Variants in CDK12 observed in about 807,000 individuals in gnomAD.
The protein encoded by CDK12 is cyclin-dependent kinase 12.
In CDK12, 17 loss-of-function variants were observed where a neutral mutation model predicts 133.8. That is an observed-to-expected ratio of 0.13 (90% CI 0.09 to 0.19). The LOEUF is 0.19. CDK12 is among the 10% of genes least tolerant of loss of function. CDK12 has a pLI of 1.00. For missense variants in CDK12, 1,508 were observed against 1,818.7 expected (o/e 0.83, Z 3.11); for synonymous variants, 694 against 683.6 (o/e 1.02, Z -0.24).
intron 2 of CDK12, among the ~76,000 whole-genome samples, chr17:39,482,802 A>AT (rs1411322636): frequency 6.6e-6 from 1 of 151,482 alleles, no homozygotes; most frequent in African/African-American, 2.4e-5. Context: ...GGGTTATGCC[A>AT]TATTGGCTAG....
intron 4 of CDK12, 128 bp from the exon 5 acceptor site, chr17:39,494,396 A>T: frequency 2.7e-6 from 2 of 736,502 alleles, no homozygotes; most frequent in Non-Finnish European, 4.5e-6. Context: ...TTAAAGGTGT[A>T]TAAGTATCTC....
intron 10 of CDK12, 58 bp downstream of exon 10, chr17:39,517,614 C>T (rs2053893342): frequency 9.8e-7 from 1 of 1,023,646 alleles, no homozygotes; most frequent in Non-Finnish European, 1.5e-6. Flanking sequence ...TGGGACTTGG[C>T]TTTTTCCTGG....
rs138141428 is a variant in CDK12, at chr17:39,517,515, G to A, written c.2922G>A (p.Pro974=). The change falls in exon 10 of 14, where the codon CCG becomes CCA. Residue 974 remains proline (P), a synonymous_variant. Coordinates refer to ENST00000447079, the MANE Select transcript of CDK12 (RefSeq NM_016507.4). The part of the protein sequence containing the change: ...IKLPYFNTMK[P]KKQYRRRLRE... ...TGCCCTACTTCAACACCATGAAACC[G>A]AAGAAGCAATATCGAAGGCGTCTAC... 2.3e-5 allele frequency: 37 copies of A among 1,612,742 alleles called. No individual in the cohort carries two copies. The highest frequency in any genetic ancestry group is 2.9e-5 in the Non-Finnish European group (34 of 1,178,874).
At chr17:39,475,500 C>A (rs1476572353) in intron 2 of CDK12, among the ~76,000 whole-genome samples, 1 of 151,182 alleles carries the variant, frequency 6.6e-6, no homozygotes, top group African/African-American at 2.4e-5. Context: ...AAAGTAATAA[C>A]AAATTCTGCC....
chr17:39,513,398 G>C (rs2053608874), intron 8 of CDK12, among the ~76,000 whole-genome samples: 1 of 152,150 alleles, frequency 6.6e-6, no homozygotes, highest in African/African-American at 2.4e-5. Context: ...TGGAGAAAGA[G>C]CATAATTTCT....
chr17:39,477,044 A>G (rs1481238914), intron 2 of CDK12, among the ~76,000 whole-genome samples: 1 of 150,182 alleles, frequency 6.7e-6, no homozygotes, highest in Non-Finnish European at 1.5e-5. Context: ...ATTTTTTGAG[A>G]CAGTCTCACT....
At chr17:39,482,038 G>T (rs2050759398) in intron 2 of CDK12, among the ~76,000 whole-genome samples, 1 of 28,434 alleles carries the variant, frequency 3.5e-5, no homozygotes, top group East Asian at 1.9e-3. Context: ...TTTTAACAGA[G>T]TTTCGCTTTT....
upstream of CDK12, among the ~76,000 whole-genome samples, chr17:39,543,407 A>T (rs2055523768): frequency 6.6e-6 from 1 of 152,174 alleles, no homozygotes; most frequent in African/African-American, 2.4e-5. Context: ...ATGTATCTAC[A>T]GTCCCTTCCA....
rs536091695 is a variant in CDK12, at chr17:39,463,240, G to A, written c.1046+123G>A. Reference sequence around the variant, plus strand: ...CATTGACTAGAACACTTTGCTGTTGGCTAGTCATTCCAGTGTGTGAATCTG... The same window carrying A: ...CATTGACTAGAACACTTTGCTGTTGACTAGTCATTCCAGTGTGTGAATCTG... On this transcript the variant is annotated intron_variant, in intron 1 of 13. Transcript: ENST00000447079. The A allele has an allele frequency of 4.1e-5, 34 of 834,850 alleles. No homozygotes were observed. In the South Asian group the frequency reaches 4.7e-4, roughly 12 times the overall value. The allele number at this position is 834,850 out of a possible 1,614,324, so 51.7% of individuals were successfully genotyped here.
intron 2 of CDK12, among the ~76,000 whole-genome samples, chr17:39,553,263 C>T (rs1296695306): frequency 1.3e-5 from 2 of 152,100 alleles, no homozygotes; most frequent in African/African-American, 4.8e-5. Context: ...AACCTCCCAT[C>T]TTGACACCTT....
At chr17:39,562,651 TACA>T (rs1440190716) in intron 3 of CDK12, among the ~76,000 whole-genome samples, 1 of 152,132 alleles carries the variant, frequency 6.6e-6, no homozygotes, top group Non-Finnish European at 1.5e-5. Context: ...GTTAATTGGC[TACA>T]ACAATTAATT....
chr17:39,485,580 T>A (rs966535254), intron 2 of CDK12, among the ~76,000 whole-genome samples: 1 of 151,724 alleles, frequency 6.6e-6, no homozygotes, highest in East Asian at 1.9e-4. Flanking sequence ...GCCTGGCTAA[T>A]TTTTTTTGTA....
At position 39,562,902 on chromosome 17, in the gene CDK12, CTTTT is replaced by C. The variant is rs59852699; in HGVS notation, n.485-1839_485-1836del. On this transcript the variant is annotated intron_variant and non_coding_transcript_variant, in intron 3 of 3. Coordinates refer to the CDK12 transcript ENST00000558240. ...TCTCCTTTTTTTTTCTTTTTCTTTT[CTTTT>C]TTTTTTTTTTTTTTTTTTACAACTT... Among the ~76,000 whole-genome samples the C allele has an allele frequency of 8.7e-3, 804 of 92,376 alleles. 2 individuals are homozygous for C. The highest frequency in any genetic ancestry group is 0.032 in the Middle Eastern group (5 of 156). The allele number at this position is 92,376 out of a possible 152,430, so 60.6% of individuals were successfully genotyped here.
At chr17:39,559,030 T>G (rs1468151827) in intron 3 of CDK12, among the ~76,000 whole-genome samples, 1 of 152,252 alleles carries the variant, frequency 6.6e-6, no homozygotes. Context: ...GTGTTCATTT[T>G]ATTGATGTAC....
chr17:39,509,022 G>A (rs2053314654), intron 6 of CDK12, among the ~76,000 whole-genome samples: 1 of 146,150 alleles, frequency 6.8e-6, no homozygotes, highest in Non-Finnish European at 1.5e-5. Context: ...AAAATCAGCA[G>A]AGTGAAACAT....
chr17:39,555,827 C>T (rs1378439741), intron 2 of CDK12, among the ~76,000 whole-genome samples: 1 of 121,326 alleles, frequency 8.2e-6, no homozygotes, highest in Admixed American at 9.8e-5. Flanking sequence ...AACCTCATCT[C>T]TACACACACA....
intron 2 of CDK12, among the ~76,000 whole-genome samples, chr17:39,481,633 G>GCC: frequency 5.7e-5 from 1 of 17,628 alleles, no homozygotes; most frequent in African/African-American, 1.2e-4. Context: ...TCGCTCGCGC[G>GCC]CTCTCTCTCT....
intron 2 of CDK12, among the ~76,000 whole-genome samples, chr17:39,479,020 A>T (rs2050427093): frequency 6.6e-6 from 1 of 152,036 alleles, no homozygotes; most frequent in African/African-American, 2.4e-5. Context: ...TTAGAAAGAA[A>T]TCTAATGGCC....
chr17:39,507,088 G>C (rs2053180794), intron 6 of CDK12, among the ~76,000 whole-genome samples: 1 of 151,528 alleles, frequency 6.6e-6, no homozygotes. Context: ...GTAGAGACAG[G>C]GTTTTACCAT....
Sources: allele counts gnomAD v4.1 joint callset (sites outside exome capture counted in the v4.1 genomes callset), GRCh38; gene constraint gnomAD v4.1.1; transcripts MANE v1.5; gene names NCBI Gene and HGNC (gene_info 2026-07-23, HGNC 2026-07-21).